Variants in SSUH2 observed in about 807,000 individuals in gnomAD.
The protein encoded by SSUH2 is ssu-2 homolog.
Under a neutral mutation model 55.3 loss-of-function variants are expected in SSUH2, and 47 were observed. The ratio of observed to expected loss-of-function variants is 0.85; its 90% CI spans 0.67 to 1.08. The LOEUF (loss-of-function observed/expected upper bound fraction) is 1.08. Ranked by LOEUF, SSUH2 falls within the 50% of genes least tolerant of loss-of-function variation. The pLI is 0.00. For synonymous variants in SSUH2, 212 were observed against 191.5 expected (o/e 1.11, Z -0.89); for missense variants, 535 against 490.7 (o/e 1.09, Z -0.85).
intron 3 of SSUH2, chr3:8,634,595 CTG>C: frequency 7.8e-7 from 1 of 1,289,700 alleles, no homozygotes; most frequent in Non-Finnish European, 1.0e-6. Context: ...ACAAGAGACA[CTG>C]TGGGCTGGAG....
intron 1 of SSUH2, among the ~76,000 whole-genome samples, chr3:8,681,057 C>A (rs1187799421): frequency 6.8e-6 from 1 of 147,744 alleles, no homozygotes; most frequent in African/African-American, 2.5e-5. Context: ...CCTCTTCCCC[C>A]GCTGGCTCTT....
chr3:8,679,180 CACA>C lies in SSUH2; in HGVS notation c.-901+522_-901+524del, dbSNP rs781130198. 2.8e-3 allele frequency among the ~76,000 whole-genome samples: 254 copies of C among 89,958 alleles called. 81 individuals carry two copies. The highest frequency in any genetic ancestry group is 4.9e-3 in the Non-Finnish European group (203 of 41,172). The allele number at this position is 89,958 out of a possible 152,430, so 59.0% of individuals were successfully genotyped here. A position where few individuals can be genotyped will look rare whatever the true frequency, so the allele number is the denominator to read the frequency against. On this transcript the variant is annotated intron_variant, in intron 2 of 18. Transcript: ENST00000317371. The stretch of plus-strand genomic sequence containing the variant: ...GACTGAGAGGCAGCCGCTGTTCCCC[CACA>C]CTGGCTCTTGGGACCCCCATCGCAG...
intron 3 of SSUH2, chr3:8,634,230 G>C: frequency 1.7e-6 from 1 of 584,880 alleles, no homozygotes; most frequent in Middle Eastern, 5.7e-4. Flanking sequence ...CAACATGATG[G>C]GAAGACCCCA....
rs58481210 is a variant in SSUH2, at chr3:8,653,201, A to T, written c.-307+5724T>A. Among the ~76,000 whole-genome samples, 416 of 152,328 alleles carry T rather than the reference A, an allele frequency of 2.7e-3. 3 individuals carry two copies. The highest frequency in any genetic ancestry group is 9.8e-3 in the African/African-American group (407 of 41,568). ...TGAAGAAGGTCAATGTTAATCACAG[A>T]CCTCAGAGCAAGAGGCAGGAGCCGC... is the stretch of plus-strand genomic sequence containing the variant. On this transcript the variant is annotated intron_variant, in intron 7 of 18. Transcript: ENST00000317371.
chr3:8,658,294 A>G (rs905875241), intron 7 of SSUH2, among the ~76,000 whole-genome samples: 1 of 152,184 alleles, frequency 6.6e-6, no homozygotes, highest in Non-Finnish European at 1.5e-5. Flanking sequence ...TAGGTGGTAA[A>G]ATTAAACCTT....
intron 5 of SSUH2, among the ~76,000 whole-genome samples, chr3:8,670,478 C>T (rs1425306453): frequency 6.6e-6 from 1 of 151,922 alleles, no homozygotes; most frequent in Non-Finnish European, 1.5e-5. Context: ...GTGTACACCC[C>T]ATGTGACATT....
chr3:8,680,534 C>G (rs566281245), intron 1 of SSUH2, among the ~76,000 whole-genome samples: 1 of 151,956 alleles, frequency 6.6e-6, no homozygotes, highest in East Asian at 1.9e-4. Context: ...CTACTCCCTG[C>G]GATATCGTGT....
Position 8,680,360 on chromosome 3 carries a change from G to C in SSUH2, c.-1045-511C>G, listed in dbSNP as rs1489211532. On this transcript the variant is annotated intron_variant, in intron 1 of 18. Transcript: ENST00000317371. ...AGGATCCAAGGTGGACTCACAGACT[G>C]TTTACCATATTGTGAGTCATATCCT... 3.3e-5 allele frequency among the ~76,000 whole-genome samples: 5 copies of C among 152,016 alleles called. No individual in the cohort carries two copies. In the South Asian group the frequency reaches 6.2e-4, roughly 19 times the overall value.
chr3:8,649,533 G>A (rs1322382045), upstream of SSUH2, among the ~76,000 whole-genome samples: 1 of 151,992 alleles, frequency 6.6e-6, no homozygotes, highest in African/African-American at 2.4e-5. Context: ...ATCTGGCTGG[G>A]ACATCTCCCC....
intron 2 of SSUH2, among the ~76,000 whole-genome samples, chr3:8,677,706 T>C (rs1366352212): frequency 6.6e-6 from 1 of 150,692 alleles, no homozygotes; most frequent in Non-Finnish European, 1.5e-5. Flanking sequence ...ATTGCCCCCC[T>C]GTTTTAGGGC....
chr3:8,637,572 G>C (rs970150207), intron 1 of SSUH2, among the ~76,000 whole-genome samples: 1 of 152,214 alleles, frequency 6.6e-6, no homozygotes, highest in Non-Finnish European at 1.5e-5. Flanking sequence ...TGTGGAGTTA[G>C]AGCAGGACAG....
intron 7 of SSUH2, among the ~76,000 whole-genome samples, chr3:8,653,248 C>CA (rs1444111686): frequency 2.6e-5 from 4 of 152,232 alleles, no homozygotes; most frequent in Non-Finnish European, 5.9e-5. Flanking sequence ...GCTCCAAACT[C>CA]ACTTTCATTG....
chr3:8,659,820 G>A (rs945095962), intron 6 of SSUH2: 22 of 456,012 alleles, frequency 4.8e-5, no homozygotes, highest in Admixed American at 4.2e-4. Flanking sequence ...AGAAGAGAGA[G>A]AGATAGAGAA....
Position 8,637,833 on chromosome 3 carries a change from C to CTTGT in SSUH2, c.29-1980_29-1977dup, listed in dbSNP as rs59930358. 9.9e-3 allele frequency among the ~76,000 whole-genome samples: 1,495 copies of CTTGT among 151,550 alleles called. 8 individuals carry two copies. The highest frequency in any genetic ancestry group is 0.016 in the East Asian group (81 of 5,142). ...AGCTGAACTGCCCCATCTCCTAGAGCTTGTTTGTTTGTTTGTTTGTTTGTT... is the reference window on the plus strand; with the variant it reads ...AGCTGAACTGCCCCATCTCCTAGAGCTTGTTTGTTTGTTTGTTTGTTTGTTTGTT... On this transcript the variant is annotated intron_variant, in intron 1 of 11. Coordinates refer to ENST00000544814, the MANE Select transcript of SSUH2 (RefSeq NM_001256748.3).
intron 3 of SSUH2, chr3:8,677,120 C>G (rs1013750946): frequency 2.6e-5 from 4 of 151,392 alleles, no homozygotes; most frequent in Admixed American, 6.6e-5. Flanking sequence ...AGAGATACCC[C>G]CCGCGAGGCA....
upstream of SSUH2, among the ~76,000 whole-genome samples, chr3:8,647,572 G>C (rs1362550267): frequency 6.6e-6 from 1 of 152,188 alleles, no homozygotes; most frequent in Non-Finnish European, 1.5e-5. Context: ...GCAGAACCTT[G>C]AACAGTGCCT....
intron 6 of SSUH2, among the ~76,000 whole-genome samples, chr3:8,630,058 T>C (rs1698450230): frequency 6.6e-6 from 1 of 152,210 alleles, no homozygotes. Flanking sequence ...GTAGCTAATG[T>C]GGTCTTTGGG....
chr3:8,638,306 T>C (rs1700252556), intron 1 of SSUH2, among the ~76,000 whole-genome samples: 1 of 152,204 alleles, frequency 6.6e-6, no homozygotes, highest in Admixed American at 6.5e-5. Context: ...ACCCCCTCTC[T>C]ACCACCTCCC....
chr3:8,680,259 C>T (rs392298), intron 1 of SSUH2, among the ~76,000 whole-genome samples: 145,654 of 152,110 alleles, frequency 0.96, 69,805 homozygotes, highest in East Asian at 1. Context: ...AAGCTGACTC[C>T]TGGGCAAAAC....
Sources: allele counts gnomAD v4.1 joint callset (sites outside exome capture counted in the v4.1 genomes callset), GRCh38; gene constraint gnomAD v4.1.1; transcripts MANE v1.5; gene names NCBI Gene and HGNC (gene_info 2026-07-23, HGNC 2026-07-21).